The following SLC26A5 variants were observed in gnomAD, a reference collection of about 807,000 sequenced individuals.
SLC26A5 encodes prestin.
SLC26A5 carries 51 observed loss-of-function variants against 81.0 expected under a neutral mutation model. The ratio of observed to expected loss-of-function variants is 0.63; its 90% confidence interval spans 0.50 to 0.80. SLC26A5 has a LOEUF of 0.80. Ranked by LOEUF, SLC26A5 falls within the 30% of genes least tolerant of loss-of-function variation. The pLI, the probability that SLC26A5 is intolerant of heterozygous loss-of-function variation, is 0.00. For missense variants in SLC26A5, 771 were observed against 905.8 expected, an observed-to-expected ratio of 0.85 and a Z score of 1.91; for synonymous variants, 325 against 332.8, an observed-to-expected ratio of 0.98 and a Z score of 0.25.
intron 19 of SLC26A5, chr7:103,368,791 A>G (rs1211358237): frequency 6.6e-6 from 1 of 152,250 alleles, no homozygotes; most frequent in Non-Finnish European, 1.5e-5. Context: ...CTAATTTAGA[A>G]AGTCCAGAAT....
In SLC26A5 at chr7:103,421,359, G is replaced by A. The variant is rs372286013; in HGVS notation, c.152+4C>T. 4 of 1,613,920 alleles carry A rather than the reference G, an allele frequency of 2.5e-6. No homozygotes were observed. The highest frequency in any genetic ancestry group is 1.3e-5 in the African/African-American group (1 of 75,012). ...TAACAGAAACAGGTTAAAAGGCAAC[G>A]TACGTGAATGCCTGTTTCAGCTTAT... On this transcript the variant is annotated splice_donor_region_variant and intron_variant, in intron 3 of 19. Coordinates refer to ENST00000306312, the MANE Select transcript of SLC26A5 (RefSeq NM_198999.3).
chr7:103,445,566 C>G (rs1320822104), intron 1 of SLC26A5: 2 of 152,376 alleles, frequency 1.3e-5, no homozygotes, highest in East Asian at 3.9e-4. Context: ...GGGTTTGAGC[C>G]TTGCCCGGCG....
chr7:103,440,767 T>C (rs1826817122), intron 2 of SLC26A5, among the ~76,000 whole-genome samples: 1 of 152,212 alleles, frequency 6.6e-6, no homozygotes, highest in Admixed American at 6.5e-5. Flanking sequence ...TAGGTCTGCA[T>C]TGGATTTTTG....
chr7:103,359,506 A>AAT (rs1820252224), intron 19 of SLC26A5, among the ~76,000 whole-genome samples: 1 of 152,084 alleles, frequency 6.6e-6, no homozygotes, highest in African/African-American at 2.4e-5. Flanking sequence ...GTCTCTTTCC[A>AAT]GCCCCTGGCA....
intron 7 of SLC26A5, among the ~76,000 whole-genome samples, chr7:103,409,054 G>C (rs1008329093): frequency 6.6e-6 from 1 of 152,136 alleles, no homozygotes; most frequent in Non-Finnish European, 1.5e-5. Flanking sequence ...TATCAGTCAG[G>C]GACTCAACTT....
chr7:103,412,489 T>C (rs537532333), intron 5 of SLC26A5, among the ~76,000 whole-genome samples: 1 of 152,118 alleles, frequency 6.6e-6, no homozygotes, highest in Admixed American at 6.5e-5. Context: ...TCTTTTTTAT[T>C]ATCCCAAGAT....
In SLC26A5 at chr7:103,391,721, C is replaced by T. The variant is rs1822670872; in HGVS notation, c.1134G>A (p.Leu378=). Residue 378 remains leucine, a synonymous_variant, in exon 11 of 20, where the codon CTG becomes CTA. Transcript: ENST00000306312. ...GTGAGCCAATGGAATTGCACAGTCC[C>T]AGGGCAATGAGCTCCTTTCCCATGT... ...QVDGNQELIA[L]GLCNSIGSLF... The T allele has an allele frequency of 1.2e-6, 2 of 1,613,816 alleles. No homozygotes were observed. The highest frequency in any genetic ancestry group is 1.7e-6 in the Non-Finnish European group (2 of 1,179,934).
intron 9 of SLC26A5, 32 bp from the exon 10 acceptor site, chr7:103,393,098 G>A: frequency 5.6e-6 from 9 of 1,613,390 alleles, no homozygotes; most frequent in South Asian, 2.2e-5. Context: ...AACTTGTGTT[G>A]TGACCACAAG....
In SLC26A5 at chr7:103,421,415, T is replaced by G; in HGVS notation, c.100A>C (p.Thr34Pro). 1 of 1,614,138 alleles carries G rather than the reference T, an allele frequency of 6.2e-7. No individual in the cohort carries two copies. Among genetic ancestry groups the G allele is most frequent in the Non-Finnish European group, 8.5e-7 (1 of 1,179,994 alleles). ...SHPVLQERLH[T>P]KDKVPDSIAD... Reference sequence around the variant, plus strand: ...ATGGAATCAGGAACCTTGTCCTTTGTGTGTAGTCTTTCCTGGAGGACCGGA... The same window carrying G: ...ATGGAATCAGGAACCTTGTCCTTTGGGTGTAGTCTTTCCTGGAGGACCGGA... The change falls in exon 3 of 20, where the codon ACA (threonine) becomes CCA (proline). Residue 34 changes from threonine to proline, a missense_variant. Thr to Pro is a conservative substitution (Grantham distance 38). Transcript: ENST00000306312.
chr7:103,445,813 G>C (rs943425171), intron 1 of SLC26A5: 1 of 152,932 alleles, frequency 6.5e-6, no homozygotes, highest in Non-Finnish European at 1.5e-5. Flanking sequence ...GGAGGCAAAC[G>C]GGAAGTAAAA....
At chr7:103,421,184 T>C (rs1187071442) in intron 3 of SLC26A5, among the ~76,000 whole-genome samples, 179 bp downstream of exon 3, 1 of 152,216 alleles carries the variant, frequency 6.6e-6, no homozygotes, top group African/African-American at 2.4e-5. Context: ...AAATTCATGA[T>C]GAAGCCTGTG....
chr7:103,419,488 C>G (rs1038169672), intron 4 of SLC26A5, among the ~76,000 whole-genome samples: 1 of 152,012 alleles, frequency 6.6e-6, no homozygotes, highest in Non-Finnish European at 1.5e-5. Context: ...TGCATTTTCT[C>G]TCATTCTTGA....
intron 14 of SLC26A5, among the ~76,000 whole-genome samples, chr7:103,382,396 C>G (rs1327384098): frequency 1.5e-5 from 2 of 132,552 alleles, no homozygotes; most frequent in African/African-American, 5.9e-5. Flanking sequence ...GTTGCCCAGG[C>G]TGGAGTGCAA....
intron 2 of SLC26A5, among the ~76,000 whole-genome samples, chr7:103,439,937 C>A (rs912075089): frequency 1.3e-5 from 2 of 152,194 alleles, no homozygotes; most frequent in African/African-American, 4.8e-5. Context: ...CCTCCTTCAC[C>A]ACCTTCCGGT....
chr7:103,411,661 G>A, intron 5 of SLC26A5, 75 bp from the exon 6 acceptor site: 1 of 1,522,146 alleles, frequency 6.6e-7, no homozygotes, highest in Non-Finnish European at 9.1e-7. Flanking sequence ...TACACCAAGA[G>A]ACAAAGGTGA....
chr7:103,395,924 C>T (rs1823076528), intron 9 of SLC26A5, among the ~76,000 whole-genome samples: 1 of 152,172 alleles, frequency 6.6e-6, no homozygotes, highest in South Asian at 2.1e-4. Context: ...GAACCCATTA[C>T]TAATAAGTAG....
At chr7:103,397,792 C>A in intron 9 of SLC26A5, 140 bp downstream of exon 9, 2 of 659,210 alleles carry the variant, frequency 3.0e-6, no homozygotes, top group Non-Finnish European at 2.7e-6. Flanking sequence ...ATAAAATGCA[C>A]CCAATCCCCC....
intron 8 of SLC26A5, among the ~76,000 whole-genome samples, chr7:103,405,841 T>C (rs947383627): frequency 6.6e-5 from 10 of 152,186 alleles, no homozygotes; most frequent in Non-Finnish European, 1.0e-4. Context: ...AAGCCCCTGA[T>C]TGTGGCTGCT....
chr7:103,435,791 A>C (rs1826408312), intron 2 of SLC26A5, among the ~76,000 whole-genome samples: 2 of 152,136 alleles, frequency 1.3e-5, no homozygotes, highest in Non-Finnish European at 2.9e-5. Flanking sequence ...GGTTCTGTTT[A>C]ATCAGTAATT....
Sources: gnomAD v4.1 joint callset for allele counts (sites outside exome capture counted in the v4.1 genomes callset) on GRCh38, gnomAD v4.1.1 for gene constraint, MANE v1.5 for transcripts, NCBI Gene and HGNC (gene_info 2026-07-23, HGNC 2026-07-21) for gene names.